The following MYO18B variants were observed in gnomAD, a reference collection of about 807,000 sequenced individuals.
The protein encoded by MYO18B is unconventional myosin-XVIIIb.
MYO18B carries 204 observed loss-of-function variants against 273.0 expected under a neutral mutation model. The observed-to-expected ratio is 0.75, with a 90% CI of 0.67 to 0.84. The LOEUF is 0.84. Among genes scored for constraint, MYO18B ranks in the 40% least tolerant of loss-of-function variants. MYO18B has a pLI of 0.00. For missense variants in MYO18B, 3,212 were observed against 3,287.6 expected (o/e 0.98, Z 0.56); for synonymous variants, 1,330 against 1,305.7 (o/e 1.02, Z -0.40).
At chr22:25,964,074 G>A (rs1280096123) in intron 39 of MYO18B, 1 of 152,174 alleles carries the variant, frequency 6.6e-6, no homozygotes, top group South Asian at 2.1e-4. Flanking sequence ...CTTGTTTGGA[G>A]GTTTGGAGAT....
chr22:26,026,907 G>T lies in MYO18B; in HGVS notation c.6933G>T (p.Leu2311=), dbSNP rs778682011. The part of the protein sequence containing the change: ...LSLRVGAKSP[L]EIEGAAGGLL... ...TGAGGGTTGGGGCAAAGTCACCCCT[G>T]GAAATCGAAGGGGCCGCTGGTGGTC... The change falls in exon 43 of 44, where the codon CTG becomes CTT. Residue 2311 remains leucine (L), a synonymous_variant. Transcript: ENST00000335473. 1.2e-6 allele frequency: 2 copies of T among 1,607,752 alleles called. No homozygotes were observed. Among genetic ancestry groups the T allele is most frequent in the African/African-American group, 2.7e-5 (2 of 74,586 alleles).
At chr22:25,755,152 C>T (rs888900623) in intron 1 of MYO18B, among the ~76,000 whole-genome samples, 3 of 152,138 alleles carry the variant, frequency 2.0e-5, no homozygotes, top group Admixed American at 6.5e-5. Context: ...TTCCCCCATC[C>T]CCTCTCCCCT....
intron 34 of MYO18B, among the ~76,000 whole-genome samples, chr22:25,936,805 G>C (rs2092584385): frequency 6.6e-6 from 1 of 152,128 alleles, no homozygotes; most frequent in African/African-American, 2.4e-5. Flanking sequence ...TCACATGGTA[G>C]AGAGGAAGGA....
At chr22:25,986,684 T>C (rs948800406) in intron 39 of MYO18B, among the ~76,000 whole-genome samples, 6 of 152,258 alleles carry the variant, frequency 3.9e-5, no homozygotes, top group African/African-American at 1.2e-4. Context: ...TACCCTGATC[T>C]ATAGGATAAA....
chr22:25,761,494 C>G (rs2086316587), intron 2 of MYO18B, among the ~76,000 whole-genome samples: 1 of 152,140 alleles, frequency 6.6e-6, no homozygotes, highest in African/African-American at 2.4e-5. Context: ...GGGACAGAGG[C>G]AGGGCTGTCA....
intron 21 of MYO18B, among the ~76,000 whole-genome samples, chr22:25,864,670 G>A (rs924500667): frequency 3.3e-5 from 5 of 152,090 alleles, no homozygotes; most frequent in Non-Finnish European, 7.4e-5. Context: ...AATTGCACTG[G>A]GCCTCACTTT....
chr22:25,770,813 C>T, intron 5 of MYO18B, 59 bp from the exon 6 acceptor site: 5 of 1,277,520 alleles, frequency 3.9e-6, no homozygotes, highest in Admixed American at 4.0e-5. Context: ...TCGCCTCTTT[C>T]CCCTCTTCCC....
At chr22:25,996,345 G>C (rs1386788450) in intron 40 of MYO18B, among the ~76,000 whole-genome samples, 1 of 152,188 alleles carries the variant, frequency 6.6e-6, no homozygotes, top group African/African-American at 2.4e-5. Context: ...CGTGCGAGAT[G>C]CTGTGTTAAG....
rs1313318816 is a variant in MYO18B, at chr22:25,768,203, C to A, written c.287C>A (p.Ser96Ter). The part of the protein sequence containing the change: ...GSQQISQDDQ[S>*]SSPGSSDILG... ...CAGCAGATCTCTCAGGACGACCAGT[C>A]AAGCTCTCCTGGGAGCTCAGACATT... is the stretch of plus-strand genomic sequence containing the variant. The change falls in exon 4 of 44, where the codon TCA becomes TAA. Residue 96 changes from serine to a stop codon, truncating the protein, a stop_gained. Coordinates refer to ENST00000335473, the MANE Select transcript of MYO18B (RefSeq NM_032608.7). LOFTEE classifies it high-confidence loss of function. 3 of 1,613,990 alleles carry A rather than the reference C, an allele frequency of 1.9e-6. No individual in the cohort carries two copies. The highest frequency in any genetic ancestry group is 1.1e-5 in the South Asian group (1 of 91,066).
At chr22:25,965,647 G>C (rs901807117) in intron 39 of MYO18B, among the ~76,000 whole-genome samples, 4 of 152,184 alleles carry the variant, frequency 2.6e-5, no homozygotes, top group African/African-American at 9.7e-5. Context: ...GGTACAAAAA[G>C]CACAAATACC....
intron 6 of MYO18B, 89 bp downstream of exon 6, chr22:25,771,073 G>T (rs1206207250): frequency 6.3e-6 from 6 of 945,740 alleles, no homozygotes; most frequent in African/African-American, 1.6e-5. Context: ...TCCTGCAAGA[G>T]ATTTCCTTGT....
intron 12 of MYO18B, among the ~76,000 whole-genome samples, chr22:25,800,148 C>T (rs565894055): frequency 2.0e-5 from 3 of 151,498 alleles, no homozygotes; most frequent in South Asian, 2.1e-4. Context: ...GATGCAAAGG[C>T]ATAAGAATGA....
At chr22:25,985,557 A>G (rs2093192832) in intron 39 of MYO18B, among the ~76,000 whole-genome samples, 1 of 151,884 alleles carries the variant, frequency 6.6e-6, no homozygotes, top group African/African-American at 2.4e-5. Flanking sequence ...GCTTAACACC[A>G]CCTGCTGATG....
intron 1 of MYO18B, chr22:25,756,418 G>A (rs530410307): frequency 2.2e-4 from 34 of 152,370 alleles, no homozygotes; most frequent in African/African-American, 7.0e-4. Flanking sequence ...GCAGGGCTGC[G>A]TAGGCATGCT....
intron 39 of MYO18B, among the ~76,000 whole-genome samples, chr22:25,960,594 G>A (rs2092907636): frequency 6.6e-6 from 1 of 152,158 alleles, no homozygotes; most frequent in Admixed American, 6.5e-5. Context: ...GGTGACCTGA[G>A]TTAGAAATTG....
At chr22:25,921,728 GTGTGTGTGTGTGTA>G (rs1440398496) in intron 34 of MYO18B, among the ~76,000 whole-genome samples, 4 of 79,706 alleles carry the variant, frequency 5.0e-5, no homozygotes, top group African/African-American at 1.5e-4. Flanking sequence ...GTGTGTGTGT[GTGTGTGTGTGTGTA>G]TGTGTATGTG....
chr22:25,876,406 C>G (rs1211943889), intron 24 of MYO18B, 74 bp downstream of exon 24: 7 of 1,461,560 alleles, frequency 4.8e-6, no homozygotes, highest in Non-Finnish European at 6.4e-6. Flanking sequence ...CATCTAGCAC[C>G]CTGTGCCCCT....
chr22:25,769,911 G>GC (rs1180192016), intron 4 of MYO18B, 199 bp from the exon 5 acceptor site: 1 of 623,712 alleles, frequency 1.6e-6, no homozygotes, highest in Non-Finnish European at 2.9e-6. Flanking sequence ...GCTAGATGGT[G>GC]CAGTGGTGTG....
At chr22:25,757,193 A>C (rs2086150496) in intron 1 of MYO18B, among the ~76,000 whole-genome samples, 1 of 152,246 alleles carries the variant, frequency 6.6e-6, no homozygotes. Flanking sequence ...CAGGGAATGA[A>C]AATGCATGTC....
Sources: allele counts gnomAD v4.1 joint callset (sites outside exome capture counted in the v4.1 genomes callset), GRCh38; gene constraint gnomAD v4.1.1; transcripts MANE v1.5; gene names NCBI Gene and HGNC (gene_info 2026-07-23, HGNC 2026-07-21).